CDCA7L: variants seen among roughly 807,000 people sequenced by gnomAD.
CDCA7L encodes the protein cell division cycle associated 7 like.
A neutral mutation model predicts 57.4 loss-of-function variants in CDCA7L; 44 were observed. The ratio of observed to expected loss-of-function variants is 0.77; its 90% CI spans 0.60 to 0.98. The LOEUF (loss-of-function observed/expected upper bound fraction) is 0.98. Ranked by LOEUF, CDCA7L falls within the 50% of genes least tolerant of loss-of-function variation. The pLI, the probability that CDCA7L is intolerant of heterozygous loss-of-function variation, is 0.00. For synonymous variants in CDCA7L, 236 were observed against 202.8 expected (o/e 1.16, Z -1.39); for missense variants, 644 against 580.6 (o/e 1.11, Z -1.12).
intron 1 of CDCA7L, among the ~76,000 whole-genome samples, chr7:21,942,950 T>A (rs888324929): frequency 3.3e-5 from 5 of 152,204 alleles, no homozygotes; most frequent in African/African-American, 1.2e-4. Context: ...AACAGCGTGC[T>A]CCTGCCTATT....
In CDCA7L at chr7:21,901,620, C is replaced by T. The variant is rs575770668; in HGVS notation, c.*702G>A. On this transcript the variant is annotated 3_prime_UTR_variant, in exon 10 of 10. Coordinates refer to ENST00000406877, the MANE Select transcript of CDCA7L (RefSeq NM_018719.5). Reference sequence around the variant, plus strand: ...TACATCATATGTGAACATGCAAAAGCAATGCAGCCGGAAAGAACGGAGATT... The same window carrying T: ...TACATCATATGTGAACATGCAAAAGTAATGCAGCCGGAAAGAACGGAGATT... 1 of 162,100 alleles carries T rather than the reference C, an allele frequency of 6.2e-6. No homozygotes were observed. The highest frequency in any genetic ancestry group is 2.0e-4 in the South Asian group (1 of 4,998). The allele number at this position is 162,100 out of a possible 1,614,324, so 10.0% of individuals were successfully genotyped here. A position where few individuals can be genotyped will look rare whatever the true frequency, so the allele number is the denominator to read the frequency against.
chr7:21,904,160 A>G lies in CDCA7L; in HGVS notation c.1147T>C (p.Cys383Arg), dbSNP rs774602757. 2 of 1,613,290 alleles carry G rather than the reference A, an allele frequency of 1.2e-6. No individual in the cohort carries two copies. The highest frequency in any genetic ancestry group is 1.7e-6 in the Non-Finnish European group (2 of 1,179,652). Reference protein sequence around the residue: ...CGVRGQFCGPCLRNRYGEDVR... With the variant: ...CGVRGQFCGPRLRNRYGEDVR... ...TCCTCCCCATAGCGGTTCCGCAGGC[A>G]TGGTCCACAGAACTGTCCTCGCACA... The change falls in exon 8 of 10, where the codon TGC (cysteine) becomes CGC (arginine). Residue 383 changes from cysteine (C) to arginine (R), a missense_variant. By Grantham distance (180) the Cys-to-Arg change is radical. Coordinates refer to ENST00000406877, the MANE Select transcript of CDCA7L (RefSeq NM_018719.5).
At chr7:21,907,082 A>T (rs917799666) in intron 4 of CDCA7L, among the ~76,000 whole-genome samples, 28 of 152,362 alleles carry the variant, frequency 1.8e-4, no homozygotes, top group African/African-American at 6.7e-4. Context: ...CTGATTCTTT[A>T]AATAGATTAA....
intron 1 of CDCA7L, among the ~76,000 whole-genome samples, chr7:21,926,965 T>G (rs1352082673): frequency 1.3e-5 from 2 of 152,166 alleles, no homozygotes; most frequent in African/African-American, 2.4e-5. Context: ...CAAGACAGTA[T>G]GTTCAGAAAA....
chr7:21,932,573 T>C (rs569477602), intron 1 of CDCA7L, among the ~76,000 whole-genome samples: 2 of 152,320 alleles, frequency 1.3e-5, no homozygotes, highest in African/African-American at 4.8e-5. Context: ...ATTTAATAAA[T>C]GGTGCTGGGA....
At chr7:21,902,437 A>G (rs1784944064) in intron 9 of CDCA7L, 85 bp from the exon 10 acceptor site, 1 of 1,328,428 alleles carries the variant, frequency 7.5e-7, no homozygotes, top group Non-Finnish European at 1.1e-6. Context: ...CAATCATCTA[A>G]GAGTACAAAG....
chr7:21,936,679 T>C (rs77929136), intron 1 of CDCA7L, among the ~76,000 whole-genome samples: 1,809 of 151,820 alleles, frequency 0.012, 32 homozygotes, highest in African/African-American at 0.041. Context: ...CATAAGGCTA[T>C]ATACGAAAAA....
intron 2 of CDCA7L, among the ~76,000 whole-genome samples, chr7:21,914,599 G>A (rs1201000185): frequency 1.3e-5 from 2 of 152,202 alleles, no homozygotes; most frequent in African/African-American, 4.8e-5. Flanking sequence ...GATAATGAGA[G>A]TGTCAGTTCA....
At chr7:21,944,788 G>C (rs57121717) in intron 1 of CDCA7L, 5,274 of 151,852 alleles carry the variant, frequency 0.035, 255 homozygotes, top group African/African-American at 0.11. Flanking sequence ...CCCTTCTCCC[G>C]GGCCAGGCAC....
intron 7 of CDCA7L, among the ~76,000 whole-genome samples, chr7:21,904,540 G>T (rs1047507000): frequency 2.6e-5 from 4 of 152,202 alleles, no homozygotes; most frequent in Admixed American, 2.6e-4. Context: ...TGTCAGATCA[G>T]CAGCAGCATT....
At position 21,904,102 on chromosome 7, in the gene CDCA7L, G is replaced by C. The variant is rs766867263; in HGVS notation, c.1197+8C>G. The C allele has an allele frequency of 3.2e-6, 5 of 1,587,228 alleles. No homozygotes were observed. The South Asian group carries it at 5.8e-5, about 18-fold the overall frequency. On this transcript the variant is annotated splice_region_variant and intron_variant, in intron 8 of 9. Coordinates refer to ENST00000406877, the MANE Select transcript of CDCA7L (RefSeq NM_018719.5). ...ACAATTTACAACAAATGCAAACACT[G>C]TTCCTACCGGGTCCAGCAATGCCGA...
chr7:21,930,334 A>T (rs1021610391), intron 1 of CDCA7L, among the ~76,000 whole-genome samples: 1 of 152,226 alleles, frequency 6.6e-6, no homozygotes, highest in Non-Finnish European at 1.5e-5. Flanking sequence ...AGGGAAATTT[A>T]TAGCACTAAA....
intron 1 of CDCA7L, among the ~76,000 whole-genome samples, chr7:21,942,401 A>C (rs1328186925): frequency 6.6e-6 from 1 of 152,146 alleles, no homozygotes; most frequent in Non-Finnish European, 1.5e-5. Flanking sequence ...AAAAGAACAA[A>C]ATGGCCCCAG....
intron 1 of CDCA7L, among the ~76,000 whole-genome samples, chr7:21,922,011 C>T (rs1349650844): frequency 6.6e-6 from 1 of 152,108 alleles, no homozygotes; most frequent in African/African-American, 2.4e-5. Flanking sequence ...TAGAGCCCAG[C>T]CTAAAGCAGA....
At chr7:21,933,098 G>C (rs1786065007) in intron 1 of CDCA7L, among the ~76,000 whole-genome samples, 5 of 152,134 alleles carry the variant, frequency 3.3e-5, no homozygotes, top group Admixed American at 3.3e-4. Context: ...AAACCACAAT[G>C]AAATACCATC....
intron 8 of CDCA7L, among the ~76,000 whole-genome samples, chr7:21,903,443 C>CAAAATATCAAGGTATGA (rs1785012224): frequency 6.6e-6 from 1 of 152,116 alleles, no homozygotes; most frequent in South Asian, 2.1e-4. Context: ...ACAAGGTTTC[C>CAAAATATCAAGGTATGA]AAAATATCAA....
intron 4 of CDCA7L, among the ~76,000 whole-genome samples, chr7:21,907,173 GAATTT>G (rs1785168631): frequency 1.3e-5 from 2 of 152,268 alleles, no homozygotes; most frequent in South Asian, 2.1e-4. Context: ...ATATGCCAGA[GAATTT>G]AATTAGGATT....
chr7:21,904,233 T>C lies in CDCA7L; in HGVS notation c.1074A>G (p.Gln358=), dbSNP rs781087919. The stretch of plus-strand genomic sequence containing the variant: ...ACACTGTCTTGGTGTCGATGGTCTT[T>C]TGTCGACACTGATGGCACGTGTTAC... ...VLGNTCHQCR[Q]KTIDTKTVCR... The change falls in exon 8 of 10, where the codon CAA becomes CAG. Residue 358 remains glutamine, a synonymous_variant. Coordinates refer to ENST00000406877, the MANE Select transcript of CDCA7L (RefSeq NM_018719.5). The C allele has an allele frequency of 5.6e-6, 9 of 1,611,448 alleles. No individual in the cohort carries two copies. The East Asian group carries it at 8.9e-5, about 16-fold the overall frequency.
intron 4 of CDCA7L, among the ~76,000 whole-genome samples, chr7:21,907,434 C>A (rs1785175044): frequency 6.6e-6 from 1 of 151,090 alleles, no homozygotes; most frequent in African/African-American, 2.4e-5. Flanking sequence ...AAAAAATTAC[C>A]AAAATGCTAA....
Sources: gnomAD v4.1 joint callset for allele counts (sites outside exome capture counted in the v4.1 genomes callset) on GRCh38, gnomAD v4.1.1 for gene constraint, MANE v1.5 for transcripts, NCBI Gene and HGNC (gene_info 2026-07-23, HGNC 2026-07-21) for gene names.